The following PPA2 variants were observed in gnomAD, a reference collection of about 807,000 sequenced individuals.
The protein encoded by PPA2 is inorganic pyrophosphatase 2.
In PPA2, 48 loss-of-function variants were observed where a neutral mutation model predicts 49.5. The ratio of observed to expected loss-of-function variants is 0.97; its 90% CI spans 0.77 to 1.23. The LOEUF is 1.23. Among genes scored for constraint, PPA2 ranks in the 50% most tolerant of loss-of-function variants. PPA2 has a pLI of 0.00. For missense variants in PPA2, 429 were observed against 410.1 expected (o/e 1.05, Z -0.40); for synonymous variants, 131 against 139.9 (o/e 0.94, Z 0.45).
At chr4:105,402,470 C>T (rs1722256020) in intron 7 of PPA2, among the ~76,000 whole-genome samples, 1 of 152,162 alleles carries the variant, frequency 6.6e-6, no homozygotes, top group African/African-American at 2.4e-5. Flanking sequence ...GAAAGGAGTG[C>T]AGTCTGGGAG....
At chr4:105,383,873 G>A (rs1252112423) in intron 10 of PPA2, among the ~76,000 whole-genome samples, 3 of 144,024 alleles carry the variant, frequency 2.1e-5, no homozygotes, top group Non-Finnish European at 4.5e-5. Flanking sequence ...TGACTTCTGT[G>A]TCTTCAATTA....
intron 9 of PPA2, among the ~76,000 whole-genome samples, chr4:105,387,712 C>A (rs920251079): frequency 2.0e-5 from 3 of 152,032 alleles, no homozygotes; most frequent in African/African-American, 4.8e-5. Flanking sequence ...CTATAGCACA[C>A]GTTTACTTAC....
intron 10 of PPA2, among the ~76,000 whole-genome samples, chr4:105,382,016 C>T (rs1315105684): frequency 1.3e-5 from 2 of 151,896 alleles, no homozygotes; most frequent in Non-Finnish European, 2.9e-5. Flanking sequence ...TCTTTAATTT[C>T]TGCTATATTG....
intron 6 of PPA2, among the ~76,000 whole-genome samples, chr4:105,426,631 G>A (rs574556739): frequency 2.6e-5 from 4 of 152,362 alleles, no homozygotes; most frequent in African/African-American, 9.6e-5. Context: ...TTGGTAGGGG[G>A]AGAGGTGTCA....
At chr4:105,445,893 T>C (rs1722360110) in intron 5 of PPA2, among the ~76,000 whole-genome samples, 1 of 151,812 alleles carries the variant, frequency 6.6e-6, no homozygotes, top group South Asian at 2.1e-4. Flanking sequence ...CTCTGCTTTC[T>C]ACTTAAAAAT....
At chr4:105,473,530 T>C (rs768901365) in intron 1 of PPA2, 1 of 501,354 alleles carries the variant, frequency 2.0e-6, no homozygotes, top group Admixed American at 2.3e-5. Flanking sequence ...CTGAGTTGTG[T>C]GAACCGGGAA....
rs201046593 is a variant in PPA2 at position 105,369,454 on chromosome 4, A to AC, written c.*270dup. On this transcript the variant is annotated 3_prime_UTR_variant, in exon 12 of 12. Coordinates refer to ENST00000341695, the MANE Select transcript of PPA2 (RefSeq NM_176869.3). ...TGGCCAGGCTGGTCTTGAACTCCTG[A>AC]CCTTGTGATCTGCCCACCTCGGCCT... The AC allele has an allele frequency of 3.8e-3, 1,416 of 377,426 alleles. 21 individuals are homozygous for AC. The highest frequency in any genetic ancestry group is 0.026 in the African/African-American group (1,218 of 47,730). The allele number at this position is 377,426 out of a possible 1,614,324, so 23.4% of individuals were successfully genotyped here. A position where few individuals can be genotyped will look rare whatever the true frequency, so the allele number is the denominator to read the frequency against.
chr4:105,440,529 G>A (rs967360132), intron 5 of PPA2, among the ~76,000 whole-genome samples: 1 of 152,120 alleles, frequency 6.6e-6, no homozygotes, highest in East Asian at 1.9e-4. Flanking sequence ...CGACAGTGCT[G>A]GGATTACAAG....
chr4:105,460,251 AG>A (rs1723029755), intron 1 of PPA2, among the ~76,000 whole-genome samples: 1 of 152,250 alleles, frequency 6.6e-6, no homozygotes, highest in Admixed American at 6.5e-5. Context: ...TGGCATTACA[AG>A]GCATCAGATA....
chr4:105,438,889 C>T (rs1440025990), intron 5 of PPA2, among the ~76,000 whole-genome samples: 4 of 151,978 alleles, frequency 2.6e-5, no homozygotes, highest in African/African-American at 9.7e-5. Flanking sequence ...AGCTTATTTC[C>T]TTTAATTTTA....
At chr4:105,386,510 C>A in intron 10 of PPA2, 57 bp downstream of exon 10, 2 of 1,507,996 alleles carry the variant, frequency 1.3e-6, no homozygotes, top group South Asian at 2.3e-5. Context: ...AGAATTTCTA[C>A]TAGACTTCCT....
At position 105,456,267 on chromosome 4, in the gene PPA2, T is replaced by C. The variant is rs373676560; in HGVS notation, c.222+414A>G. 32 of 468,074 alleles carry C rather than the reference T, an allele frequency of 6.8e-5. 1 individual carries two copies. The highest frequency in any genetic ancestry group is 1.1e-4 in the Admixed American group (5 of 43,562). The allele number at this position is 468,074 out of a possible 1,614,324, so 29.0% of individuals were successfully genotyped here. ...ACTTACCAGATCTTAGACAAGTCTA[T>C]AAAAATGCCTTGAGCCTCAGTGTCC... On this transcript the variant is annotated intron_variant, in intron 2 of 11. Transcript: ENST00000341695.
At chr4:105,428,496 T>C (rs749176876) in intron 6 of PPA2, among the ~76,000 whole-genome samples, 1 of 145,860 alleles carries the variant, frequency 6.9e-6, no homozygotes, top group African/African-American at 2.5e-5. Context: ...AATAAAGGGA[T>C]AGAGGAAGAT....
chr4:105,421,795 T>G (rs1313188667), intron 7 of PPA2, among the ~76,000 whole-genome samples: 2 of 152,102 alleles, frequency 1.3e-5, no homozygotes, highest in African/African-American at 4.8e-5. Context: ...GTAATCCCAG[T>G]ACTTTGGGAG....
chr4:105,380,962 C>T (rs1466998320), intron 10 of PPA2, among the ~76,000 whole-genome samples: 11 of 152,092 alleles, frequency 7.2e-5, no homozygotes, highest in East Asian at 1.9e-4. Flanking sequence ...CTAGAAATTA[C>T]TTAATGTTCT....
chr4:105,381,627 AT>A (rs1242248037), intron 10 of PPA2, among the ~76,000 whole-genome samples: 5 of 152,096 alleles, frequency 3.3e-5, no homozygotes, highest in African/African-American at 1.2e-4. Flanking sequence ...AAAATTATCA[AT>A]TCATCTGTGT....
intron 6 of PPA2, among the ~76,000 whole-genome samples, chr4:105,436,352 G>T (rs1231331802): frequency 6.6e-6 from 1 of 152,032 alleles, no homozygotes; most frequent in African/African-American, 2.4e-5. Flanking sequence ...CCATGCTCAT[G>T]GATTGGAAGA....
At chr4:105,473,691 G>A (rs1212009281) in intron 1 of PPA2, 1 of 869,098 alleles carries the variant, frequency 1.2e-6, no homozygotes, top group African/African-American at 1.6e-5. Context: ...TTGGGGTCTT[G>A]ATCCGCCGCC....
At chr4:105,374,446 A>C (rs751697454) in intron 10 of PPA2, among the ~76,000 whole-genome samples, 5 of 152,320 alleles carry the variant, frequency 3.3e-5, no homozygotes, top group South Asian at 2.1e-4. Context: ...TCCTCATCCC[A>C]AAAATCCTTC....
Sources: allele counts gnomAD v4.1 joint callset (sites outside exome capture counted in the v4.1 genomes callset), GRCh38; gene constraint gnomAD v4.1.1; transcripts MANE v1.5; gene names NCBI Gene and HGNC (gene_info 2026-07-23, HGNC 2026-07-21).